The following CNBD1 variants were observed in gnomAD, a reference collection of about 807,000 sequenced individuals.
CNBD1 encodes cyclic nucleotide-binding domain-containing protein 1.
In CNBD1, 71 loss-of-function variants were observed where a neutral mutation model predicts 54.4. The ratio of observed to expected loss-of-function variants is 1.30; its 90% confidence interval spans 1.08 to 1.59. CNBD1 has a LOEUF of 1.59. Ranked by LOEUF, CNBD1 falls within the 40% of genes most tolerant of loss-of-function variation. The pLI, the probability that CNBD1 is intolerant of heterozygous loss-of-function variation, is 0.00. For synonymous variants in CNBD1, 182 were observed against 170.7 expected (o/e 1.07, Z -0.51); for missense variants, 659 against 518.0 (o/e 1.27, Z -2.64).
intron 4 of CNBD1, among the ~76,000 whole-genome samples, chr8:86,969,465 C>T (rs1586170702): frequency 6.6e-6 from 1 of 151,922 alleles, no homozygotes; most frequent in East Asian, 1.9e-4. Flanking sequence ...GTGATTTTGT[C>T]CCATGTTTTA....
At chr8:86,962,071 A>G (rs1054383862) in intron 4 of CNBD1, among the ~76,000 whole-genome samples, 4 of 152,174 alleles carry the variant, frequency 2.6e-5, no homozygotes, top group Non-Finnish European at 2.9e-5. Context: ...GGATACATCC[A>G]CTTGTAATCC....
chr8:87,031,682 T>C (rs561087490), intron 4 of CNBD1, among the ~76,000 whole-genome samples: 13 of 152,270 alleles, frequency 8.5e-5, no homozygotes, highest in Non-Finnish European at 1.9e-4. Context: ...CACTCTTAAA[T>C]CTCATTCCTC....
intron 10 of CNBD1, among the ~76,000 whole-genome samples, chr8:87,366,914 T>TTTC (rs1488781311): frequency 6.6e-6 from 1 of 152,088 alleles, no homozygotes; most frequent in African/African-American, 2.4e-5. Context: ...AAGCTAAGCC[T>TTTC]TTCTAGTGAG....
intron 4 of CNBD1, among the ~76,000 whole-genome samples, chr8:86,948,378 G>A (rs2130441871): frequency 6.6e-6 from 1 of 152,246 alleles, no homozygotes; most frequent in East Asian, 1.9e-4. Context: ...CCCACCAACA[G>A]TATACAAGGG....
chr8:87,169,907 T>C (rs1813050143), intron 4 of CNBD1, among the ~76,000 whole-genome samples: 1 of 152,154 alleles, frequency 6.6e-6, no homozygotes, highest in African/African-American at 2.4e-5. Context: ...TGTGGTTCCA[T>C]ATAAATTTAA....
At chr8:87,321,348 G>A (rs546490452) in intron 8 of CNBD1, among the ~76,000 whole-genome samples, 5 of 152,242 alleles carry the variant, frequency 3.3e-5, no homozygotes, top group Admixed American at 2.0e-4. Context: ...GTAGTTTTCT[G>A]GTTTGTGTTT....
At chr8:86,939,147 G>C (rs1449371722) in intron 3 of CNBD1, among the ~76,000 whole-genome samples, 1 of 151,974 alleles carries the variant, frequency 6.6e-6, no homozygotes, top group African/African-American at 2.4e-5. Context: ...AATAAGATAT[G>C]GTGGCTATCT....
At chr8:86,930,644 T>C (rs1250746893) in intron 3 of CNBD1, among the ~76,000 whole-genome samples, 1 of 152,140 alleles carries the variant, frequency 6.6e-6, no homozygotes, top group African/African-American at 2.4e-5. Flanking sequence ...CTTCCTCTGG[T>C]ATTTGAGAGA....
intron 6 of CNBD1, among the ~76,000 whole-genome samples, chr8:87,261,341 G>T (rs1050266293): frequency 1.3e-5 from 2 of 151,972 alleles, no homozygotes; most frequent in Non-Finnish European, 2.9e-5. Flanking sequence ...TGCTCCTGGG[G>T]GTTGCTAGAA....
intron 3 of CNBD1, among the ~76,000 whole-genome samples, chr8:86,935,852 A>G (rs1266952038): frequency 6.6e-6 from 1 of 151,598 alleles, no homozygotes; most frequent in Non-Finnish European, 1.5e-5. Context: ...TTTAAAAAAC[A>G]TGCATTTGGG....
intron 10 of CNBD1, among the ~76,000 whole-genome samples, chr8:87,362,734 T>G (rs1244845038): frequency 1.3e-5 from 2 of 152,064 alleles, no homozygotes; most frequent in African/African-American, 4.8e-5. Context: ...GAGTCCACGC[T>G]TAACATTAAA....
chr8:87,015,478 C>A (rs994308162), intron 4 of CNBD1, among the ~76,000 whole-genome samples: 3 of 152,050 alleles, frequency 2.0e-5, no homozygotes, highest in African/African-American at 7.2e-5. Context: ...ATCCATCATG[C>A]CCAGCGAAAT....
intron 2 of CNBD1, among the ~76,000 whole-genome samples, chr8:87,420,370 C>A (rs145765375): frequency 2.6e-5 from 4 of 151,852 alleles, no homozygotes; most frequent in Non-Finnish European, 4.4e-5. Context: ...TGAGGTCTCT[C>A]GGAAGGTACA....
At chr8:86,884,135 G>C (rs569031115) in intron 1 of CNBD1, among the ~76,000 whole-genome samples, 11 of 150,984 alleles carry the variant, frequency 7.3e-5, no homozygotes, top group African/African-American at 2.2e-4. Context: ...CTGGGCGACA[G>C]AGCGAGACTC....
At chr8:87,402,606 T>C (rs75523366) in intron 2 of CNBD1, among the ~76,000 whole-genome samples, 2,281 of 152,172 alleles carry the variant, frequency 0.015, 59 homozygotes, top group African/African-American at 0.049. Flanking sequence ...TATTCATTGT[T>C]TCCTCTTATA....
chr8:86,882,623 G>T (rs189718939), intron 1 of CNBD1, among the ~76,000 whole-genome samples: 3 of 152,252 alleles, frequency 2.0e-5, no homozygotes, highest in African/African-American at 7.2e-5. Flanking sequence ...ATTCCTCAAA[G>T]ACCTAAAGAC....
chr8:87,333,029 G>A (rs752660098), intron 8 of CNBD1, among the ~76,000 whole-genome samples: 1 of 152,072 alleles, frequency 6.6e-6, no homozygotes, highest in African/African-American at 2.4e-5. Flanking sequence ...CCATTTGTTT[G>A]TGATCTCTCT....
chr8:86,905,908 A>G (rs969741764), intron 3 of CNBD1, among the ~76,000 whole-genome samples: 1 of 152,172 alleles, frequency 6.6e-6, no homozygotes, highest in Admixed American at 6.6e-5. Context: ...TATAGTGGAT[A>G]TGGAAACCTC....
intron 1 of CNBD1, among the ~76,000 whole-genome samples, chr8:86,881,078 T>A (rs563658665): frequency 6.6e-6 from 1 of 152,262 alleles, no homozygotes; most frequent in African/African-American, 2.4e-5. Flanking sequence ...TCATACTGAA[T>A]GGGCAAAAGC....
Sources: allele counts gnomAD v4.1 joint callset (sites outside exome capture counted in the v4.1 genomes callset), GRCh38; gene constraint gnomAD v4.1.1; transcripts MANE v1.5; gene names NCBI Gene and HGNC (gene_info 2026-07-23, HGNC 2026-07-21).